RP1: variants seen among roughly 807,000 people sequenced by gnomAD.
RP1 encodes the protein oxygen-regulated protein 1.
In RP1, 16 loss-of-function variants were observed where a neutral mutation model predicts 14.8. That is an observed-to-expected ratio of 1.08 (90% CI 0.73 to 1.65). The LOEUF is 1.65. RP1 is among the 40% of genes most tolerant of loss of function. The pLI, the probability that RP1 is intolerant of heterozygous loss-of-function variation, is 0.00. For synonymous variants in RP1, 876 were observed against 883.6 expected (o/e 0.99, Z 0.15); for missense variants, 2,631 against 2,535.0 (o/e 1.04, Z -0.81).
At chr8:54,695,515 A>T (rs1161801674) in intron 12 of RP1, among the ~76,000 whole-genome samples, 2 of 152,120 alleles carry the variant, frequency 1.3e-5, no homozygotes. Context: ...TAGTTTTATG[A>T]ATTTAAATTC....
In RP1 at chr8:54,647,249, C is replaced by G. The variant is rs1016370732; in HGVS notation, c.788-1736C>G. Among the ~76,000 whole-genome samples, 5 of 151,858 alleles carry G rather than the reference C, an allele frequency of 3.3e-5. No individual in the cohort carries two copies. The East Asian group carries it at 9.7e-4, about 29-fold the overall frequency. The stretch of plus-strand genomic sequence containing the variant: ...TGACCAACATGGTGAAACCTCATCT[C>G]TACGAAAATACAAAAATTACCTGGG... On this transcript the variant is annotated intron_variant, in intron 3 of 22. Coordinates refer to the RP1 transcript ENST00000636932.
chr8:54,862,325 T>C (rs1327037445), intron 27 of RP1, among the ~76,000 whole-genome samples: 1 of 152,202 alleles, frequency 6.6e-6, no homozygotes, highest in Non-Finnish European at 1.5e-5. Flanking sequence ...CAACACCTGG[T>C]ACACTTAATT....
intron 19 of RP1, among the ~76,000 whole-genome samples, chr8:54,750,066 G>A (rs1242431133): frequency 6.6e-6 from 1 of 152,110 alleles, no homozygotes; most frequent in Non-Finnish European, 1.5e-5. Flanking sequence ...AGGAGTCAGG[G>A]AATTGGAATA....
intron 25 of RP1, among the ~76,000 whole-genome samples, chr8:54,843,236 A>T (rs79325627): frequency 6.6e-6 from 1 of 152,008 alleles, no homozygotes; most frequent in Non-Finnish European, 1.5e-5. Flanking sequence ...GTATGTATGT[A>T]TGTATTTATT....
intron 24 of RP1, among the ~76,000 whole-genome samples, chr8:54,804,892 T>C (rs1000894820): frequency 6.6e-6 from 1 of 152,254 alleles, no homozygotes; most frequent in Admixed American, 6.5e-5. Context: ...GCTCTTTTGT[T>C]TGTATGCATT....
At chr8:54,702,969 C>T (rs994252538) in intron 14 of RP1, among the ~76,000 whole-genome samples, 24 of 152,192 alleles carry the variant, frequency 1.6e-4, no homozygotes, top group African/African-American at 5.8e-4. Context: ...ACTTCAAGCT[C>T]CACTTCTCAT....
chr8:54,769,769 A>C (rs1427790012), exon 23 of RP1: 2 of 1,533,744 alleles, frequency 1.3e-6, no homozygotes, highest in Admixed American at 3.9e-5. Context: ...TCAGGGCATA[A>C]TTCATTCAGA....
intron 1 of RP1, among the ~76,000 whole-genome samples, chr8:54,582,319 G>A (rs1035757203): frequency 1.8e-4 from 28 of 152,000 alleles, no homozygotes; most frequent in South Asian, 4.2e-4. Context: ...TTGTAGATAT[G>A]CGGCATTATT....
At chr8:54,588,271 A>G (rs959274096) in intron 1 of RP1, among the ~76,000 whole-genome samples, 1 of 152,224 alleles carries the variant, frequency 6.6e-6, no homozygotes, top group African/African-American at 2.4e-5. Context: ...ATAGAATGTC[A>G]GGGAAGATTG....
chr8:54,807,113 A>G (rs763886267), intron 24 of RP1, among the ~76,000 whole-genome samples: 4 of 152,180 alleles, frequency 2.6e-5, no homozygotes, highest in Non-Finnish European at 4.4e-5. Context: ...TCATATAATT[A>G]AATCTCCTCC....
chr8:54,720,492 TA>T (rs1295347783), intron 16 of RP1, among the ~76,000 whole-genome samples: 1 of 152,170 alleles, frequency 6.6e-6, no homozygotes, highest in African/African-American at 2.4e-5. Context: ...TTCAGATAAT[TA>T]ATATTAGGTA....
chr8:54,565,506 A>G (rs1047934535), intron 1 of RP1, among the ~76,000 whole-genome samples: 1 of 152,206 alleles, frequency 6.6e-6, no homozygotes, highest in Non-Finnish European at 1.5e-5. Flanking sequence ...TGGAGGTTGC[A>G]AAAACCAAAA....
intron 3 of RP1, among the ~76,000 whole-genome samples, chr8:54,623,009 A>G (rs924279087): frequency 6.6e-6 from 1 of 152,162 alleles, no homozygotes; most frequent in African/African-American, 2.4e-5. Context: ...ATTGTTTTTT[A>G]TACTTAAATT....
exon 18 of RP1, chr8:54,734,682 A>G (rs756138754): frequency 7.6e-5 from 117 of 1,535,678 alleles, no homozygotes; most frequent in Middle Eastern, 1.7e-4. Context: ...CACTGGGCCA[A>G]TAAGTCTTCG....
rs752270105 is a variant in RP1, at chr8:54,621,396, G to T, written c.430G>T (p.Val144Phe). 2 of 1,612,880 alleles carry T rather than the reference G, an allele frequency of 1.2e-6. No homozygotes were observed. The highest frequency in any genetic ancestry group is 1.1e-5 in the South Asian group (1 of 91,072). Residue 144 changes from valine (V) to phenylalanine (F), a missense_variant, in exon 2 of 4, where the codon GTC becomes TTC. Val to Phe is a conservative substitution (Grantham distance 50). Transcript: ENST00000220676. ...SAHSPPHPVA[V>F]AAPGMPRPPR... is the part of the protein sequence containing the mutation. ...GCACTCACCGCCCCACCCCGTAGCC[G>T]TCGCTGCTCCCGGCATGCCCCGCCC...
intron 13 of RP1, among the ~76,000 whole-genome samples, chr8:54,699,922 T>C (rs1807972106): frequency 6.6e-6 from 1 of 152,218 alleles, no homozygotes; most frequent in African/African-American, 2.4e-5. Context: ...ATTTGAAAAG[T>C]AGCATTTAAT....
chr8:54,856,960 A>ATTACTATTG, intron 26 of RP1: 1 of 425,088 alleles, frequency 2.4e-6, no homozygotes, highest in Non-Finnish European at 3.8e-6. Context: ...TATCAATAGT[A>ATTACTATTG]ATACTATTTT....
At chr8:54,643,225 C>T (rs1806484085) in intron 3 of RP1, among the ~76,000 whole-genome samples, 1 of 152,010 alleles carries the variant, frequency 6.6e-6, no homozygotes, top group African/African-American at 2.4e-5. Context: ...GTATAATTTA[C>T]ATAAAGAGAT....
At position 54,606,650 on chromosome 8, in the gene RP1, T is replaced by C. The variant is rs530494578; in HGVS notation, c.-12-14305T>C. 2.5e-4 allele frequency among the ~76,000 whole-genome samples: 38 copies of C among 152,330 alleles called. No homozygotes were observed. In the South Asian group the frequency reaches 7.5e-3, roughly 30 times the overall value. On this transcript the variant is annotated intron_variant, in intron 1 of 22. Transcript: ENST00000636932. ...TCCTGCAGAGTGTTTTCCAACTTGG[T>C]TGCACTCTCCTCATCACTTTCAGGT...
Sources: gnomAD v4.1 joint callset for allele counts (sites outside exome capture counted in the v4.1 genomes callset) on GRCh38, gnomAD v4.1.1 for gene constraint, MANE v1.5 for transcripts, NCBI Gene and HGNC (gene_info 2026-07-23, HGNC 2026-07-21) for gene names.